PSD2: variants seen among roughly 807,000 people sequenced by gnomAD.
PSD2 encodes the protein pleckstrin and Sec7 domain containing 2.
In PSD2, 38 loss-of-function variants were observed where a neutral mutation model predicts 69.8. The observed-to-expected ratio is 0.54, with a 90% CI of 0.42 to 0.71. The LOEUF is 0.71. Ranked by LOEUF, PSD2 falls within the 30% of genes least tolerant of loss-of-function variation. The pLI is 0.00. For synonymous variants in PSD2, 412 were observed against 423.0 expected (o/e 0.97, Z 0.32); for missense variants, 943 against 1,014.5 (o/e 0.93, Z 0.96).
At chr5:139,833,230 G>T (rs1200446678) in intron 7 of PSD2, among the ~76,000 whole-genome samples, 1 of 152,068 alleles carries the variant, frequency 6.6e-6, no homozygotes, top group Non-Finnish European at 1.5e-5. Context: ...GAGAGCACGG[G>T]ATTTGGTTTC....
At chr5:139,790,352 G>A in the PSD2 span, among the ~76,000 whole-genome samples, 1 of 152,126 alleles carries the variant, frequency 6.6e-6, no homozygotes, top group Non-Finnish European at 1.5e-5. Flanking sequence ...GTTGGGGTCT[G>A]ACCTCAGGTG....
chr5:139,788,090 C>G, the PSD2 span, among the ~76,000 whole-genome samples: 1 of 152,186 alleles, frequency 6.6e-6, no homozygotes, highest in Non-Finnish European at 1.5e-5. Context: ...TCGCGGAAGA[C>G]TCCGCGCAGT....
rs778306206 is a variant in PSD2 at position 139,830,565 on chromosome 5, C to CCTTT, written c.1270-3112_1270-3109dup. 7.1e-3 allele frequency among the ~76,000 whole-genome samples: 855 copies of CCTTT among 120,326 alleles called. 12 individuals carry two copies. The highest frequency in any genetic ancestry group is 0.019 in the African/African-American group (528 of 27,148). 78.9% of individuals were successfully genotyped at this position (120,326 alleles called of 152,430 possible). ...TCCTTCCTTCCTTCCTTCCTTCCTT[C>CCTTT]CTTTCTTTCTTTCTTTCTTTCTTTC... On this transcript the variant is annotated intron_variant, in intron 7 of 14. Transcript: ENST00000274710.
At chr5:139,775,396 ACT>A in the PSD2 span, 3 of 151,616 alleles carry the variant, frequency 2.0e-5, no homozygotes, top group African/African-American at 7.3e-5. Context: ...CATCTGCGGC[ACT>A]CTCGGTTTGG....
At position 139,814,996 on chromosome 5, in the gene PSD2, G is replaced by C. The variant is rs1023366352; in HGVS notation, c.1016+632G>C. On this transcript the variant is annotated intron_variant, in intron 4 of 14. Transcript: ENST00000274710. This position sits in a 1 kb window ranked among gnomAD's most constrained non-coding sequence, Gnocchi z 4.4. ...CACCTGCCCCTGGCCCTTTCATCCAGATTGCCTCCCAACGTCCGCATTAAG... is the reference window on the plus strand; with the variant it reads ...CACCTGCCCCTGGCCCTTTCATCCACATTGCCTCCCAACGTCCGCATTAAG... 1.3e-5 allele frequency among the ~76,000 whole-genome samples: 2 copies of C among 151,858 alleles called. No homozygotes were observed. The highest frequency in any genetic ancestry group is 4.8e-5 in the African/African-American group (2 of 41,338).
chr5:139,758,551 C>T, the PSD2 span, among the ~76,000 whole-genome samples: 7 of 152,232 alleles, frequency 4.6e-5, no homozygotes, highest in African/African-American at 1.7e-4. Context: ...TCAGCCTCCT[C>T]CCCTGTGCAG....
chr5:139,753,121 C>T, the PSD2 span, among the ~76,000 whole-genome samples: 1 of 152,152 alleles, frequency 6.6e-6, no homozygotes. Flanking sequence ...GTTACTCAGC[C>T]CAGCCATTGG....
intron 5 of PSD2, among the ~76,000 whole-genome samples, chr5:139,820,956 G>A (rs1760244398): frequency 6.6e-6 from 1 of 150,488 alleles, no homozygotes; most frequent in African/African-American, 2.5e-5. Flanking sequence ...TTCTTGAGAT[G>A]GAATCTTCTT....
chr5:139,827,880 G>A (rs1427881649), intron 7 of PSD2, among the ~76,000 whole-genome samples: 3 of 152,162 alleles, frequency 2.0e-5, no homozygotes, highest in East Asian at 1.9e-4. Context: ...ATTACAATTC[G>A]AGATGAGATT....
chr5:139,796,002 C>T (rs1759514888), intron 1 of PSD2, 27 bp downstream of exon 1: 1 of 150,756 alleles, frequency 6.6e-6, no homozygotes, highest in African/African-American at 2.4e-5. Flanking sequence ...GGCTCCGGGA[C>T]CCGCCCCTCC....
the PSD2 span, among the ~76,000 whole-genome samples, chr5:139,760,922 G>A: frequency 6.6e-6 from 1 of 152,170 alleles, no homozygotes; most frequent in South Asian, 2.1e-4. Context: ...CCTGCCCCGG[G>A]GATCTCCTGG....
chr5:139,761,079 G>A, the PSD2 span, among the ~76,000 whole-genome samples: 2 of 152,148 alleles, frequency 1.3e-5, no homozygotes, highest in African/African-American at 4.8e-5. Flanking sequence ...GAAGATGTGT[G>A]AGAGAAGAAA....
the PSD2 span, among the ~76,000 whole-genome samples, chr5:139,775,920 C>T: frequency 1.3e-5 from 2 of 152,212 alleles, no homozygotes; most frequent in African/African-American, 4.8e-5. Flanking sequence ...CCACCTGCCT[C>T]GATCTCCCAA....
At chr5:139,821,253 T>C (rs1760253210) in intron 5 of PSD2, among the ~76,000 whole-genome samples, 1 of 152,060 alleles carries the variant, frequency 6.6e-6, no homozygotes. Context: ...TTTTAAGCAG[T>C]GGTAAGTCCT....
At chr5:139,765,263 A>G in the PSD2 span, among the ~76,000 whole-genome samples, 4 of 152,088 alleles carry the variant, frequency 2.6e-5, no homozygotes, top group Non-Finnish European at 5.9e-5. Flanking sequence ...GTGCCTACGC[A>G]GTGGTACTTC....
At chr5:139,811,828 C>T (rs1759972524) in intron 2 of PSD2, among the ~76,000 whole-genome samples, 1 of 152,236 alleles carries the variant, frequency 6.6e-6, no homozygotes, top group Admixed American at 6.5e-5. Context: ...CTCCTGACCT[C>T]GTGATCCACC....
upstream of PSD2, among the ~76,000 whole-genome samples, chr5:139,791,295 T>A (rs1406792997): frequency 2.0e-5 from 3 of 152,102 alleles, no homozygotes; most frequent in African/African-American, 7.2e-5. Context: ...CTGGGTATAG[T>A]GGTGCATGCC....
At chr5:139,768,190 G>C in the PSD2 span, among the ~76,000 whole-genome samples, 1 of 152,240 alleles carries the variant, frequency 6.6e-6, no homozygotes, top group Non-Finnish European at 1.5e-5. Flanking sequence ...CAGCAGGAAG[G>C]AAGGAAGTGG....
intron 1 of PSD2, among the ~76,000 whole-genome samples, chr5:139,796,739 T>A (rs948072280): frequency 6.6e-6 from 1 of 152,202 alleles, no homozygotes; most frequent in African/African-American, 2.4e-5. Context: ...ACTGGGGGCA[T>A]TGTTTTTGCA....
Sources: gnomAD v4.1 joint callset for allele counts (sites outside exome capture counted in the v4.1 genomes callset) on GRCh38, gnomAD v4.1.1 for gene constraint, Gnocchi (gnomAD v3.1) non-coding constraint, MANE v1.5 for transcripts, NCBI Gene and HGNC (gene_info 2026-07-23, HGNC 2026-07-21) for gene names.